Variants in FAT3 observed in about 807,000 individuals in gnomAD.
The protein encoded by FAT3 is protocadherin Fat 3.
A neutral mutation model predicts 310.2 loss-of-function variants in FAT3; 95 were observed. The ratio of observed to expected loss-of-function variants is 0.31; its 90% CI spans 0.26 to 0.36. The LOEUF (loss-of-function observed/expected upper bound fraction) is 0.36. FAT3 is among the 10% of genes least tolerant of loss of function. The probability of loss-of-function intolerance (pLI) is 1.00; values close to 1 mark genes in which losing one functional copy is unlikely to be tolerated. For missense variants in FAT3, 5,408 were observed against 5,715.6 expected (o/e 0.95, Z 1.74); for synonymous variants, 2,314 against 2,192.9 (o/e 1.06, Z -1.54).
At chr11:92,807,327 T>C (rs1005182880) in intron 12 of FAT3, among the ~76,000 whole-genome samples, 5 of 152,186 alleles carry the variant, frequency 3.3e-5, no homozygotes, top group Admixed American at 6.5e-5. Flanking sequence ...CACCATACTT[T>C]GGGGTATCAT....
At chr11:92,225,590 G>A (rs1434855250) in intron 1 of FAT3, among the ~76,000 whole-genome samples, 2 of 152,140 alleles carry the variant, frequency 1.3e-5, no homozygotes, top group African/African-American at 4.8e-5. Context: ...CGGGCGCAGT[G>A]GGGGATGTTC....
chr11:92,622,659 G>C (rs1327278942), intron 3 of FAT3, among the ~76,000 whole-genome samples: 2 of 152,172 alleles, frequency 1.3e-5, no homozygotes. Flanking sequence ...TGCATGACCT[G>C]TTTTCATGAC....
intron 4 of FAT3, among the ~76,000 whole-genome samples, chr11:92,709,075 A>G (rs1484239660): frequency 6.6e-6 from 1 of 152,116 alleles, no homozygotes; most frequent in Non-Finnish European, 1.5e-5. Flanking sequence ...AGCTCCATAA[A>G]TTAGTCTTAC....
At chr11:92,781,284 T>C (rs1485346571) in intron 7 of FAT3, among the ~76,000 whole-genome samples, 2 of 151,672 alleles carry the variant, frequency 1.3e-5, no homozygotes, top group African/African-American at 4.8e-5. Context: ...ATTATCCCCA[T>C]GTTGGCCAGG....
chr11:92,372,761 T>C (rs1435708583), intron 2 of FAT3, among the ~76,000 whole-genome samples: 1 of 151,892 alleles, frequency 6.6e-6, no homozygotes, highest in East Asian at 1.9e-4. Flanking sequence ...CCCGGGTTCA[T>C]GCCATTCTCC....
chr11:92,854,659 T>C (rs540163447), intron 19 of FAT3, among the ~76,000 whole-genome samples: 84 of 152,366 alleles, frequency 5.5e-4, no homozygotes, highest in African/African-American at 1.9e-3. Flanking sequence ...AGCTGTTTTT[T>C]AAAAATGTTA....
intron 3 of FAT3, among the ~76,000 whole-genome samples, chr11:92,644,914 G>A (rs1402088983): frequency 1.3e-5 from 2 of 152,174 alleles, no homozygotes; most frequent in African/African-American, 2.4e-5. Flanking sequence ...AAAGTCTTGG[G>A]GAAGAGGGAC....
intron 2 of FAT3, among the ~76,000 whole-genome samples, chr11:92,395,466 C>T (rs541974677): frequency 6.6e-6 from 1 of 152,098 alleles, no homozygotes; most frequent in Non-Finnish European, 1.5e-5. Flanking sequence ...CCATGCCTGT[C>T]GAGAGTTCAG....
chr11:92,428,401 G>A (rs1462308717), intron 2 of FAT3, among the ~76,000 whole-genome samples: 4 of 150,838 alleles, frequency 2.7e-5, no homozygotes, highest in African/African-American at 9.7e-5. Context: ...TCTGATCTTG[G>A]TTATTTCTTT....
intron 3 of FAT3, among the ~76,000 whole-genome samples, chr11:92,555,645 A>T (rs1954991089): frequency 6.6e-6 from 1 of 152,184 alleles, no homozygotes; most frequent in South Asian, 2.1e-4. Flanking sequence ...CTTGTGTCTG[A>T]GCAGACAAGG....
chr11:92,338,038 G>T (rs1489215387), intron 1 of FAT3, among the ~76,000 whole-genome samples: 1 of 152,134 alleles, frequency 6.6e-6, no homozygotes. Flanking sequence ...AGAAAATTCA[G>T]ATCTGAACTC....
At chr11:92,497,984 G>T (rs974049072) in intron 2 of FAT3, among the ~76,000 whole-genome samples, 1 of 151,996 alleles carries the variant, frequency 6.6e-6, no homozygotes, top group African/African-American at 2.4e-5. Context: ...AAATTCACAT[G>T]CTGAGGCCTG....
intron 10 of FAT3, among the ~76,000 whole-genome samples, chr11:92,804,851 T>C (rs1376523201): frequency 1.3e-5 from 2 of 152,216 alleles, no homozygotes; most frequent in Non-Finnish European, 2.9e-5. Context: ...AGAAGACGAT[T>C]GATTGTTCAC....
At chr11:92,298,502 G>T (rs1316511411) in intron 1 of FAT3, among the ~76,000 whole-genome samples, 1 of 152,010 alleles carries the variant, frequency 6.6e-6, no homozygotes, top group Admixed American at 6.6e-5. Context: ...TTTAAAAAAA[G>T]AAGTGTTATT....
intron 3 of FAT3, among the ~76,000 whole-genome samples, chr11:92,615,977 T>C (rs953413092): frequency 6.6e-5 from 10 of 152,232 alleles, no homozygotes; most frequent in East Asian, 3.9e-4. Flanking sequence ...GAGAGTTCTG[T>C]AGATGTCTAT....
intron 3 of FAT3, among the ~76,000 whole-genome samples, chr11:92,535,304 A>G (rs1459191461): frequency 6.6e-6 from 1 of 152,180 alleles, no homozygotes; most frequent in African/African-American, 2.4e-5. Context: ...AAGCTAGGAA[A>G]AAACAGGGAA....
intron 2 of FAT3, among the ~76,000 whole-genome samples, chr11:92,471,193 A>C (rs2135150266): frequency 6.6e-6 from 1 of 152,236 alleles, no homozygotes; most frequent in African/African-American, 2.4e-5. Flanking sequence ...CCGAAGCCTA[A>C]ATCTTTTAGC....
intron 2 of FAT3, among the ~76,000 whole-genome samples, chr11:92,508,355 T>C (rs972542267): frequency 1.3e-5 from 2 of 152,130 alleles, no homozygotes; most frequent in Admixed American, 6.6e-5. Flanking sequence ...TTCATTATTT[T>C]ATTGAGAAAT....
At chr11:92,876,952 T>G (rs535882869) in intron 22 of FAT3, among the ~76,000 whole-genome samples, 1 of 152,194 alleles carries the variant, frequency 6.6e-6, no homozygotes, top group Non-Finnish European at 1.5e-5. Flanking sequence ...TTGCAGTAGT[T>G]ACAAAAGGTC....
Sources: allele counts gnomAD v4.1 joint callset (sites outside exome capture counted in the v4.1 genomes callset), GRCh38; gene constraint gnomAD v4.1.1; transcripts MANE v1.5; gene names NCBI Gene and HGNC (gene_info 2026-07-23, HGNC 2026-07-21).